TMSB15B: variants seen among roughly 807,000 people sequenced by gnomAD.
The protein encoded by TMSB15B is thymosin beta 15B.
chrX:103,948,416 A>G (rs2075031062), intron 1 of TMSB15B, among the ~76,000 whole-genome samples: 1 of 112,125 alleles, frequency 8.9e-6, no homozygotes, highest in South Asian at 3.7e-4. Flanking sequence ...TGCATGTACT[A>G]TGTCATCTAG....
intron 1 of TMSB15B, among the ~76,000 whole-genome samples, chrX:103,930,725 GATAATA>G (rs10681462): frequency 0.16 from 15,120 of 92,868 alleles, 1,020 homozygotes; most frequent in Non-Finnish European, 0.19. Flanking sequence ...TGATGCTGTT[GATAATA>G]ATAATAATAA....
At chrX:103,926,623 T>A (rs1173453589) in intron 1 of TMSB15B, among the ~76,000 whole-genome samples, 1 of 110,366 alleles carries the variant, frequency 9.1e-6, no homozygotes, top group Non-Finnish European at 1.9e-5. Context: ...ACGCCAAGGC[T>A]GATTCTGGGC....
intron 1 of TMSB15B, chrX:103,928,146 A>C: frequency 3.5e-6 from 4 of 1,158,054 alleles, no homozygotes; most frequent in Non-Finnish European, 3.5e-6. Context: ...CACAGAACAC[A>C]AGCAGAGGCT....
At chrX:103,921,328 C>T (rs2074952181) in intron 1 of TMSB15B, among the ~76,000 whole-genome samples, 1 of 111,784 alleles carries the variant, frequency 8.9e-6, no homozygotes, top group African/African-American at 3.3e-5. Flanking sequence ...GCTTCTGCTC[C>T]CCTGTCCCGT....
At chrX:103,954,211 G>T (rs1395101246) in intron 1 of TMSB15B, among the ~76,000 whole-genome samples, 1 of 112,317 alleles carries the variant, frequency 8.9e-6, no homozygotes, top group African/African-American at 3.2e-5. Context: ...AGCTCAACAT[G>T]CCCCATAAGA....
chrX:103,927,054 T>C (rs1556318952), intron 1 of TMSB15B, among the ~76,000 whole-genome samples: 1 of 111,228 alleles, frequency 9.0e-6, no homozygotes, highest in Non-Finnish European at 1.9e-5. Flanking sequence ...CCAAAGTTCC[T>C]TCATATGTCC....
chrX:103,931,692 C>A (rs1263018281), intron 1 of TMSB15B: 1 of 112,416 alleles, frequency 8.9e-6, no homozygotes, highest in African/African-American at 3.2e-5. Context: ...TCCTGGCATG[C>A]AACTCTTAAA....
chrX:103,942,562 C>T (rs1260018641), intron 1 of TMSB15B, among the ~76,000 whole-genome samples: 1 of 111,968 alleles, frequency 8.9e-6, no homozygotes, highest in African/African-American at 3.2e-5. Flanking sequence ...AGTCTTCCCA[C>T]CTCATTCTTA....
intron 1 of TMSB15B, among the ~76,000 whole-genome samples, chrX:103,921,507 G>T (rs1476005128): frequency 8.9e-6 from 1 of 111,895 alleles, no homozygotes; most frequent in African/African-American, 3.3e-5. Flanking sequence ...GTGTAAAGGT[G>T]CCAGAGTTGG....
intron 1 of TMSB15B, among the ~76,000 whole-genome samples, chrX:103,945,980 GA>G (rs1260245733): frequency 4.5e-5 from 5 of 112,205 alleles, no homozygotes; most frequent in Admixed American, 2.8e-4. Flanking sequence ...GAAAGTGGAG[GA>G]ATATTCTTGT....
chrX:103,937,040 GC>G (rs2075000040), intron 1 of TMSB15B, among the ~76,000 whole-genome samples: 1 of 112,058 alleles, frequency 8.9e-6, no homozygotes, highest in East Asian at 2.8e-4. Flanking sequence ...TAGTGGATAA[GC>G]TTTTTGATGT....
At chrX:103,929,559 G>T (rs2074978683) in intron 1 of TMSB15B, among the ~76,000 whole-genome samples, 1 of 111,783 alleles carries the variant, frequency 8.9e-6, no homozygotes, top group Non-Finnish European at 1.9e-5. Context: ...AGCAGCTGTG[G>T]CTGGAAATCC....
At chrX:103,948,772 C>A (rs1556327807) in intron 1 of TMSB15B, among the ~76,000 whole-genome samples, 1 of 112,443 alleles carries the variant, frequency 8.9e-6, no homozygotes, top group South Asian at 3.7e-4. Flanking sequence ...TTTAACAAAT[C>A]TTTATTGTAG....
intron 1 of TMSB15B, among the ~76,000 whole-genome samples, chrX:103,933,263 T>A (rs1276407874): frequency 8.9e-6 from 1 of 111,830 alleles, no homozygotes; most frequent in African/African-American, 3.3e-5. Flanking sequence ...TTCTCTAGTC[T>A]GTTCACTCTC....
intron 1 of TMSB15B, chrX:103,928,308 C>A: frequency 1.7e-6 from 2 of 1,204,061 alleles, no homozygotes; most frequent in South Asian, 3.5e-5. Context: ...CACTTTGGCA[C>A]GAAGGTCCTC....
At chrX:103,930,455 C>T (rs782441095) in intron 1 of TMSB15B, among the ~76,000 whole-genome samples, 33 of 111,028 alleles carry the variant, frequency 3.0e-4, no homozygotes, top group African/African-American at 1.0e-3. Context: ...TTGTATTCTT[C>T]AATACCTCCC....
intron 1 of TMSB15B, among the ~76,000 whole-genome samples, chrX:103,937,352 A>T (rs1482535886): frequency 3.6e-5 from 4 of 112,096 alleles, no homozygotes; most frequent in African/African-American, 1.3e-4. Context: ...AGAACTTGTT[A>T]TTGGTCTATT....
chrX:103,948,629 T>C (rs782371019), intron 1 of TMSB15B, among the ~76,000 whole-genome samples: 1 of 112,669 alleles, frequency 8.9e-6, no homozygotes, highest in Non-Finnish European at 1.9e-5. Context: ...AGTATAAGCA[T>C]AGGTAAAATG....
intron 1 of TMSB15B, among the ~76,000 whole-genome samples, chrX:103,946,711 C>T (rs1382337474): frequency 9.0e-6 from 1 of 110,500 alleles, no homozygotes; most frequent in Admixed American, 9.6e-5. Context: ...TTTCCCTTCT[C>T]GGAGAAAAAT....
Sources: gnomAD v4.1 joint callset for allele counts (sites outside exome capture counted in the v4.1 genomes callset) on GRCh38, gnomAD v4.1.1 for gene constraint, MANE v1.5 for transcripts, NCBI Gene and HGNC (gene_info 2026-07-23, HGNC 2026-07-21) for gene names.